The following GLYATL2 variants were observed in gnomAD, a reference collection of about 807,000 sequenced individuals.
GLYATL2 encodes glycine N-acyltransferase-like protein 2.
GLYATL2 carries 25 observed loss-of-function variants against 21.4 expected under a neutral mutation model. That is an observed-to-expected ratio of 1.17 (90% CI 0.85 to 1.63). The LOEUF (loss-of-function observed/expected upper bound fraction) is 1.63, where lower values mean the gene tolerates loss of function less well. GLYATL2 is among the 40% of genes most tolerant of loss of function. The pLI, the probability that GLYATL2 is intolerant of heterozygous loss-of-function variation, is 0.00. For missense variants in GLYATL2, 361 were observed against 343.3 expected (o/e 1.05, Z -0.41); for synonymous variants, 114 against 118.2 (o/e 0.96, Z 0.23).
chr11:58,869,950 A>G (rs1381699319), intron 1 of GLYATL2, among the ~76,000 whole-genome samples: 3 of 152,130 alleles, frequency 2.0e-5, no homozygotes, highest in Non-Finnish European at 4.4e-5. Context: ...TAAAATGAAA[A>G]TAAAACAATT....
At chr11:58,859,263 A>G (rs1344683470) in intron 1 of GLYATL2, among the ~76,000 whole-genome samples, 5 of 151,984 alleles carry the variant, frequency 3.3e-5, no homozygotes, top group Admixed American at 6.6e-5. Flanking sequence ...CCCTGCCTCC[A>G]TTCCACACTA....
rs183412306 is a variant in GLYATL2 at position 58,891,968 on chromosome 11, G to A, written n.60+12188C>T. ...GGGTGACTAATTTCATCCTGTCTTT[G>A]TTCTTTATCTAATAAGTAGGTTTAT... On this transcript the variant is annotated intron_variant and non_coding_transcript_variant, in intron 1 of 4. Coordinates refer to the GLYATL2 transcript ENST00000533636. 2.4e-3 allele frequency among the ~76,000 whole-genome samples: 366 copies of A among 152,230 alleles called. 4 individuals are homozygous for A. The highest frequency in any genetic ancestry group is 7.4e-3 in the African/African-American group (306 of 41,556).
At chr11:58,903,080 C>T (rs17578360) in intron 1 of GLYATL2, among the ~76,000 whole-genome samples, 8,545 of 152,256 alleles carry the variant, frequency 0.056, 324 homozygotes, top group Middle Eastern at 0.096. Flanking sequence ...CTAAAAATGA[C>T]GTCAGGTTAC....
At chr11:58,889,864 G>A (rs1173858295) in intron 1 of GLYATL2, among the ~76,000 whole-genome samples, 3 of 152,110 alleles carry the variant, frequency 2.0e-5, no homozygotes, top group Non-Finnish European at 4.4e-5. Flanking sequence ...TGTTACCAAA[G>A]TCTAGTATTA....
At chr11:58,899,127 T>C (rs1028893647) in intron 1 of GLYATL2, among the ~76,000 whole-genome samples, 7 of 152,130 alleles carry the variant, frequency 4.6e-5, no homozygotes, top group Non-Finnish European at 1.0e-4. Context: ...ACAAAGCTAA[T>C]AAGAAGTGGA....
chr11:58,901,939 C>A (rs565982670), intron 1 of GLYATL2, among the ~76,000 whole-genome samples: 1 of 152,254 alleles, frequency 6.6e-6, no homozygotes, highest in East Asian at 1.9e-4. Flanking sequence ...ACCATGTAAA[C>A]CTCTACACAC....
chr11:58,870,893 T>C (rs1854106008), intron 1 of GLYATL2, among the ~76,000 whole-genome samples: 1 of 152,208 alleles, frequency 6.6e-6, no homozygotes, highest in Admixed American at 6.5e-5. Flanking sequence ...TCTCAAAGTC[T>C]CTGCTCATAA....
In GLYATL2 at chr11:58,890,489, G is replaced by A. The variant is rs117185796; in HGVS notation, n.60+13667C>T. Among the ~76,000 whole-genome samples the A allele has an allele frequency of 6.8e-3, 1,042 of 152,206 alleles. 10 individuals carry two copies. The highest frequency in any genetic ancestry group is 8.9e-3 in the Non-Finnish European group (603 of 67,956). ...ATATATTCCTATGGAATACCATGCAGCAATAGAAAAGAATAAAATATTGTT... is the reference window on the plus strand; with the variant it reads ...ATATATTCCTATGGAATACCATGCAACAATAGAAAAGAATAAAATATTGTT... On this transcript the variant is annotated intron_variant and non_coding_transcript_variant, in intron 1 of 4. Transcript: ENST00000533636.
intron 5 of GLYATL2, among the ~76,000 whole-genome samples, chr11:58,836,673 A>G (rs117030934): frequency 0.011 from 1,710 of 152,244 alleles, 13 homozygotes; most frequent in Non-Finnish European, 0.018. Flanking sequence ...AAGTGGACAG[A>G]TTTTATTTTT....
intron 1 of GLYATL2, among the ~76,000 whole-genome samples, chr11:58,880,147 C>A (rs899145759): frequency 6.6e-6 from 1 of 152,276 alleles, no homozygotes; most frequent in Non-Finnish European, 1.5e-5. Flanking sequence ...CGTGAGCCAC[C>A]GTGCCCGGCC....
Position 58,834,726 on chromosome 11 carries a change from G to C in GLYATL2, c.588C>G (p.Leu196=). The C allele has an allele frequency of 6.2e-7, 1 of 1,613,824 alleles. No individual in the cohort carries two copies. Among genetic ancestry groups the C allele is most frequent in the Admixed American group, 1.7e-5 (1 of 60,022 alleles). The change falls in exon 6 of 6, where the codon CTC becomes CTG. Residue 196 remains leucine, a synonymous_variant. Transcript: ENST00000287275. ...ERSLKYIERC[L]QDFLGFGVLG... is the part of the protein sequence containing the mutation. ...GCACACCAAATCCTAGAAAATCCTGGAGGCAGCGTTCAATATATTTCAAGC... is the reference window on the plus strand; with the variant it reads ...GCACACCAAATCCTAGAAAATCCTGCAGGCAGCGTTCAATATATTTCAAGC...
upstream of GLYATL2, chr11:58,908,626 C>G (rs1416134657): frequency 6.5e-6 from 1 of 154,532 alleles, no homozygotes; most frequent in Non-Finnish European, 1.5e-5. Flanking sequence ...GAGATAAATT[C>G]CTAAAGAATA....
Position 58,838,265 on chromosome 11 carries a change from TTC to T in GLYATL2, c.180_181del (p.Lys61ThrfsTer6). 6.2e-7 allele frequency: 1 copy of T among 1,606,698 alleles called. No homozygotes were observed. ...TTCAGTAACTATTGCTCCTACCTGTTTCTGAGGCCGGGTAATGACGATCTGGT... is the reference window on the plus strand; with the variant it reads ...TTCAGTAACTATTGCTCCTACCTGTTTGAGGCCGGGTAATGACGATCTGGT... On this transcript the variant is annotated frameshift_variant, in exon 3 of 6. Coordinates refer to ENST00000287275, the MANE Select transcript of GLYATL2 (RefSeq NM_145016.4). LOFTEE classifies it high-confidence loss of function.
At chr11:58,905,941 C>T (rs1854866633), upstream of GLYATL2, among the ~76,000 whole-genome samples, 1 of 152,204 alleles carries the variant, frequency 6.6e-6, no homozygotes, top group African/African-American at 2.4e-5. Context: ...GACTCTTCGT[C>T]CATTGGCCAG....
At chr11:58,908,693 A>G (rs1854969236), upstream of GLYATL2, 1 of 152,328 alleles carries the variant, frequency 6.6e-6, no homozygotes, top group Admixed American at 6.5e-5. Context: ...GCTCATACAC[A>G]TAAGTGCTTG....
At position 58,838,357 on chromosome 11, in the gene GLYATL2, G is replaced by C; in HGVS notation, c.90C>G (p.Ala30=). 1 of 1,609,766 alleles carries C rather than the reference G, an allele frequency of 6.2e-7. No individual in the cohort carries two copies. The highest frequency in any genetic ancestry group is 8.5e-7 in the Non-Finnish European group (1 of 1,176,398). ...SIPESIKVYG[A]IFNIKDKNPF... Reference sequence around the variant, plus strand: ...GGTTTTTATCTTTTATGTTGAAAATGGCGCCATATACCTACGATGCAACAG... The same window carrying C: ...GGTTTTTATCTTTTATGTTGAAAATCGCGCCATATACCTACGATGCAACAG... Residue 30 remains alanine (A), a synonymous_variant, in exon 3 of 6, where the codon GCC becomes GCG. Coordinates refer to ENST00000287275, the MANE Select transcript of GLYATL2 (RefSeq NM_145016.4).
chr11:58,893,584 A>T (rs1854583719), intron 1 of GLYATL2: 1 of 152,676 alleles, frequency 6.5e-6, no homozygotes, highest in Admixed American at 6.5e-5. Flanking sequence ...AACTATTCTC[A>T]CATGGAGACT....
At chr11:58,901,089 A>C in intron 1 of GLYATL2, among the ~76,000 whole-genome samples, 1 of 152,206 alleles carries the variant, frequency 6.6e-6, no homozygotes, top group East Asian at 1.9e-4. Flanking sequence ...TTGTGTACTC[A>C]GGACGGTGCT....
intron 1 of GLYATL2, among the ~76,000 whole-genome samples, chr11:58,882,543 C>T (rs1854358986): frequency 6.6e-6 from 1 of 152,158 alleles, no homozygotes; most frequent in Admixed American, 6.5e-5. Flanking sequence ...CCTGTTCGCT[C>T]TGATGGTAGT....
Sources: gnomAD v4.1 joint callset for allele counts (sites outside exome capture counted in the v4.1 genomes callset) on GRCh38, gnomAD v4.1.1 for gene constraint, MANE v1.5 for transcripts, NCBI Gene and HGNC (gene_info 2026-07-23, HGNC 2026-07-21) for gene names.